ST8SIA6: variants seen among roughly 807,000 people sequenced by gnomAD.
ST8SIA6 encodes alpha-2,8-sialyltransferase 8F.
In ST8SIA6, 39 loss-of-function variants were observed where a neutral mutation model predicts 33.6. The ratio of observed to expected loss-of-function variants is 1.16; its 90% CI spans 0.90 to 1.52. The LOEUF (loss-of-function observed/expected upper bound fraction) is 1.52. Ranked by LOEUF, ST8SIA6 falls within the 40% of genes most tolerant of loss-of-function variation. ST8SIA6 has a pLI of 0.00. For synonymous variants in ST8SIA6, 172 were observed against 167.2 expected (o/e 1.03, Z -0.22); for missense variants, 441 against 443.8 (o/e 0.99, Z 0.06).
At chr10:17,377,289 TC>T in intron 3 of ST8SIA6, among the ~76,000 whole-genome samples, 1 of 152,110 alleles carries the variant, frequency 6.6e-6, no homozygotes, top group African/African-American at 2.4e-5. Flanking sequence ...CACCCCTCTC[TC>T]CCTTTGCTGA....
intron 2 of ST8SIA6, among the ~76,000 whole-genome samples, chr10:17,425,556 G>A (rs1851906875): frequency 6.6e-6 from 1 of 151,622 alleles, no homozygotes; most frequent in Non-Finnish European, 1.5e-5. Flanking sequence ...AGCAGAGTGG[G>A]ACCCTGTCAA....
At chr10:17,376,850 A>C (rs149789902) in intron 3 of ST8SIA6, among the ~76,000 whole-genome samples, 2,100 of 152,320 alleles carry the variant, frequency 0.014, 52 homozygotes, top group African/African-American at 0.048. Context: ...TAGAAAAAAA[A>C]CAGAAAAGTA....
rs2131662508 is a variant in ST8SIA6, at chr10:17,390,608, AT to A, written c.212del (p.Asn71MetfsTer7). 6.2e-7 allele frequency: 1 copy of A among 1,612,178 alleles called. No individual in the cohort carries two copies. Among genetic ancestry groups the A allele is most frequent in the Admixed American group, 1.7e-5 (1 of 59,992 alleles). ...VPRATNSTYL[N>X]EKSLQLTEKC... ...TCTCCGTCAGTTGGAGCGACTTCTC[AT>A]TCAGATATGTGCTGTTTCATGAAAG... On this transcript the variant is annotated frameshift_variant, in exon 3 of 8. Transcript: ENST00000377602.
At chr10:17,375,044 C>CT (rs1188576987) in intron 3 of ST8SIA6, among the ~76,000 whole-genome samples, 1 of 151,580 alleles carries the variant, frequency 6.6e-6, no homozygotes, top group African/African-American at 2.4e-5. Flanking sequence ...TCAAGCGATC[C>CT]TCCAGCCTTA....
chr10:17,346,972 C>T (rs58905406), intron 4 of ST8SIA6, among the ~76,000 whole-genome samples: 28,007 of 152,110 alleles, frequency 0.18, 2,676 homozygotes, highest in African/African-American at 0.22. Context: ...GGTTGGACAT[C>T]CAGGCAGGAG....
intron 2 of ST8SIA6, among the ~76,000 whole-genome samples, chr10:17,393,018 G>T (rs1336173971): frequency 2.0e-5 from 3 of 152,206 alleles, no homozygotes; most frequent in Admixed American, 2.0e-4. Flanking sequence ...GCCCTCACCA[G>T]TGTGGGTGGG....
At chr10:17,383,295 T>C (rs1455561387) in intron 3 of ST8SIA6, among the ~76,000 whole-genome samples, 1 of 152,226 alleles carries the variant, frequency 6.6e-6, no homozygotes, top group African/African-American at 2.4e-5. Context: ...CTTTAAGACA[T>C]TAGGTTCCCT....
rs1354331928 is a variant in ST8SIA6, at chr10:17,316,803, T to A, written c.*4075A>T. Among the ~76,000 whole-genome samples the A allele has an allele frequency of 6.6e-6, 1 of 152,154 alleles. No individual in the cohort carries two copies. On this transcript the variant is annotated 3_prime_UTR_variant, in exon 8 of 8. Transcript: ENST00000377602. ...CTTTTGTTCATTTTTATATTGAGTT[T>A]CCTGTCTTTTACTTGTTGATTTACA...
At position 17,331,464 on chromosome 10, in the gene ST8SIA6, C is replaced by G; in HGVS notation, c.466G>C (p.Val156Leu). 1.2e-6 allele frequency: 2 copies of G among 1,613,418 alleles called. No homozygotes were observed. Among genetic ancestry groups the G allele is most frequent in the Non-Finnish European group, 1.7e-6 (2 of 1,179,754 alleles). ...TPVGTNMSYE[V>L]ESKKEIPIKK... Reference sequence around the variant, plus strand: ...ATTGGGATTTCTTTTTTGCTTTCCACCTCGTAACTCATATTAGTCCCAACT... The same window carrying G: ...ATTGGGATTTCTTTTTTGCTTTCCAGCTCGTAACTCATATTAGTCCCAACT... Residue 156 changes from valine to leucine, a missense_variant, in exon 5 of 8, where the codon GTG becomes CTG. By Grantham distance (32) the Val-to-Leu change is conservative. Transcript: ENST00000377602.
At chr10:17,409,435 G>A (rs1454603296) in intron 2 of ST8SIA6, 1 of 152,534 alleles carries the variant, frequency 6.6e-6, no homozygotes, top group African/African-American at 2.4e-5. Flanking sequence ...CAGGTGTGGT[G>A]GGTCATGCCT....
chr10:17,421,909 C>T (rs113465227), intron 2 of ST8SIA6, among the ~76,000 whole-genome samples: 14 of 152,076 alleles, frequency 9.2e-5, no homozygotes, highest in South Asian at 6.3e-4. Flanking sequence ...TCCATGGGTA[C>T]GCAGCCATCA....
chr10:17,359,439 C>T (rs1003602213), intron 4 of ST8SIA6, 75 bp downstream of exon 4: 12 of 1,192,848 alleles, frequency 1.0e-5, no homozygotes, highest in African/African-American at 4.7e-5. Flanking sequence ...TTTTTAATAA[C>T]ATATTGCCTA....
intron 2 of ST8SIA6, among the ~76,000 whole-genome samples, chr10:17,445,048 C>A (rs1202136879): frequency 6.6e-6 from 1 of 152,120 alleles, no homozygotes; most frequent in African/African-American, 2.4e-5. Context: ...ATCTAATAGC[C>A]TTCATCTATT....
intron 4 of ST8SIA6, among the ~76,000 whole-genome samples, chr10:17,339,553 T>C (rs1036273612): frequency 6.6e-6 from 1 of 152,230 alleles, no homozygotes; most frequent in African/African-American, 2.4e-5. Context: ...CATTTCTTTT[T>C]CTTCACGAAA....
chr10:17,408,786 G>A lies in ST8SIA6; in HGVS notation c.201-18166C>T, dbSNP rs186830426. On this transcript the variant is annotated intron_variant, in intron 2 of 7. Transcript: ENST00000377602. Reference sequence around the variant, plus strand: ...TTTATTTTTTTTGAGACGGAGTTTCGCTCTTGTTACACAGGCTGGAGGGTG... The same window carrying A: ...TTTATTTTTTTTGAGACGGAGTTTCACTCTTGTTACACAGGCTGGAGGGTG... 3.8e-4 allele frequency among the ~76,000 whole-genome samples: 57 copies of A among 151,632 alleles called. No individual in the cohort carries two copies. The South Asian group carries it at 5.0e-3, about 13-fold the overall frequency.
chr10:17,399,649 G>A (rs573449567), intron 2 of ST8SIA6, among the ~76,000 whole-genome samples: 14 of 152,248 alleles, frequency 9.2e-5, no homozygotes, highest in Admixed American at 8.5e-4. Flanking sequence ...AGGTGTGGTG[G>A]CTTACACCTG....
At chr10:17,390,725 T>C (rs1850564578) in intron 2 of ST8SIA6, 105 bp from the exon 3 acceptor site, 2 of 881,220 alleles carry the variant, frequency 2.3e-6, no homozygotes, top group African/African-American at 3.4e-5. Context: ...CCAAATGAAG[T>C]CTCATCTTTA....
At chr10:17,396,419 C>T (rs1564443536) in intron 2 of ST8SIA6, among the ~76,000 whole-genome samples, 4 of 152,204 alleles carry the variant, frequency 2.6e-5, no homozygotes, top group South Asian at 4.1e-4. Context: ...TCCATGGCTA[C>T]ACTAGGCATC....
intron 2 of ST8SIA6, among the ~76,000 whole-genome samples, chr10:17,443,310 A>G (rs1257760644): frequency 1.3e-5 from 2 of 152,234 alleles, no homozygotes; most frequent in African/African-American, 4.8e-5. Context: ...ATAATCTCAA[A>G]AAAAGAATAT....
Sources: gnomAD v4.1 joint callset for allele counts (sites outside exome capture counted in the v4.1 genomes callset) on GRCh38, gnomAD v4.1.1 for gene constraint, MANE v1.5 for transcripts, NCBI Gene and HGNC (gene_info 2026-07-23, HGNC 2026-07-21) for gene names.